ADAMTS2: variants seen among roughly 807,000 people sequenced by gnomAD.
The protein encoded by ADAMTS2 is ADAM metallopeptidase with thrombospondin type 1 motif 2.
Under a neutral mutation model 123.0 loss-of-function variants are expected in ADAMTS2, and 50 were observed. That is an observed-to-expected ratio of 0.41 (90% CI 0.32 to 0.51). The LOEUF is 0.51. Ranked by LOEUF, ADAMTS2 falls within the 20% of genes least tolerant of loss-of-function variation. The pLI, the probability that ADAMTS2 is intolerant of heterozygous loss-of-function variation, is 0.35. For missense variants in ADAMTS2, 1,494 were observed against 1,705.2 expected (o/e 0.88, Z 2.18); for synonymous variants, 678 against 695.4 (o/e 0.98, Z 0.39).
rs535196543 is a variant in ADAMTS2 at position 179,121,684 on chromosome 5, G to A, written c.3155C>T (p.Ser1052Leu). ...ACTTGACGAGATCTTCCGGATGGGC[G>A]AGTCGGGGTCCGGGCGGGACAGCCA... ...VQWLSRPDPD[S>L]PIRKISSKGH... is the part of the protein sequence containing the mutation. Residue 1052 changes from serine to leucine, a missense_variant, in exon 21 of 22, where the codon TCG (serine) becomes TTG (leucine). Around this residue, in one of 6 missense-constraint regions of ADAMTS2, gnomAD observed 953 missense variants for 1,124.7 expected, o/e 0.85. Coordinates refer to ENST00000251582, the MANE Select transcript of ADAMTS2 (RefSeq NM_014244.5). The A allele has an allele frequency of 1.9e-6, 3 of 1,598,702 alleles. No individual in the cohort carries two copies. The highest frequency in any genetic ancestry group is 2.3e-5 in the East Asian group (1 of 43,692).
Position 179,272,087 on chromosome 5 carries a change from AC to A in ADAMTS2, c.688+823del, listed in dbSNP as rs1366091352. Among the ~76,000 whole-genome samples the A allele has an allele frequency of 1.3e-5, 2 of 152,200 alleles. No homozygotes were observed. The highest frequency in any genetic ancestry group is 4.8e-5 in the African/African-American group (2 of 41,456). On this transcript the variant is annotated intron_variant, in intron 3 of 21. Transcript: ENST00000251582. The surrounding 1 kb of genome is among the most constrained non-coding windows in gnomAD (Gnocchi z 5.8). ...GCACAGGCCAGGAGTCCCTGACCAC[AC>A]GGGGGACCCTGAGAACTATGGGCCT...
chr5:179,213,982 G>A (rs757259815), intron 3 of ADAMTS2, among the ~76,000 whole-genome samples: 24 of 152,298 alleles, frequency 1.6e-4, no homozygotes, highest in Admixed American at 2.6e-4. Context: ...AAAACCTAAC[G>A]TTCAAACCCA....
intron 4 of ADAMTS2, among the ~76,000 whole-genome samples, chr5:179,204,016 A>T (rs1342502464): frequency 2.6e-5 from 4 of 152,246 alleles, no homozygotes; most frequent in Non-Finnish European, 4.4e-5. Flanking sequence ...GTCCTCCCTG[A>T]AAAGGAAGGA....
intron 19 of ADAMTS2, among the ~76,000 whole-genome samples, chr5:179,123,266 A>G (rs1421135122): frequency 6.6e-6 from 1 of 152,226 alleles, no homozygotes; most frequent in Non-Finnish European, 1.5e-5. Context: ...CACACTGACC[A>G]GGGAGGTGCC....
At chr5:179,226,848 G>A (rs2411810) in intron 3 of ADAMTS2, among the ~76,000 whole-genome samples, 37,787 of 152,122 alleles carry the variant, frequency 0.25, 5,191 homozygotes, top group African/African-American at 0.36. Flanking sequence ...TATAAGAAAC[G>A]GTGAAAAGAA....
rs1763785325 is a variant in ADAMTS2, at chr5:179,170,139, G to A, written c.975+10933C>T. Among the ~76,000 whole-genome samples, 1 of 152,082 alleles carries A rather than the reference G, an allele frequency of 6.6e-6. No homozygotes were observed. Among genetic ancestry groups the A allele is most frequent in the Non-Finnish European group, 1.5e-5 (1 of 68,012 alleles). ...TTTTTTTTAAGAAATGGAGAAAAAT[G>A]TTGTTTTAGGAAAAACTTGAGATAA... On this transcript the variant is annotated intron_variant, in intron 5 of 21. Coordinates refer to ENST00000251582, the MANE Select transcript of ADAMTS2 (RefSeq NM_014244.5). This position sits in a 1 kb window ranked among gnomAD's most constrained non-coding sequence, Gnocchi z 4.3.
chr5:179,193,488 C>T (rs1372358955), intron 4 of ADAMTS2, among the ~76,000 whole-genome samples: 2 of 152,164 alleles, frequency 1.3e-5, no homozygotes, highest in African/African-American at 2.4e-5. Context: ...CCTGCTGCAA[C>T]TAGAAACTGT....
chr5:179,316,925 C>T (rs1485248482), intron 2 of ADAMTS2, among the ~76,000 whole-genome samples: 1 of 151,794 alleles, frequency 6.6e-6, no homozygotes, highest in Admixed American at 6.6e-5. Context: ...CGGGAGAGAG[C>T]AAGACCCTGT....
intron 17 of ADAMTS2, among the ~76,000 whole-genome samples, 157 bp from the exon 18 acceptor site, chr5:179,126,287 G>C (rs958174273): frequency 2.0e-5 from 3 of 152,222 alleles, no homozygotes; most frequent in African/African-American, 7.2e-5. Flanking sequence ...CGGCTGGCTG[G>C]GGGGAGGCCT....
At chr5:179,274,912 C>A (rs1766653875) in intron 2 of ADAMTS2, among the ~76,000 whole-genome samples, 1 of 152,248 alleles carries the variant, frequency 6.6e-6, no homozygotes, top group Non-Finnish European at 1.5e-5. Context: ...GACATCTACC[C>A]AAACCCACCC....
At chr5:179,147,592 A>G (rs1176127301) in intron 10 of ADAMTS2, among the ~76,000 whole-genome samples, 2 of 152,342 alleles carry the variant, frequency 1.3e-5, no homozygotes, top group East Asian at 3.9e-4. Context: ...TGGCCAGCAC[A>G]CAGCCTGTAT....
chr5:179,312,014 C>T lies in ADAMTS2; in HGVS notation c.534+31753G>A, dbSNP rs1430159333. On this transcript the variant is annotated intron_variant, in intron 2 of 21. Transcript: ENST00000251582. The surrounding 1 kb of genome is among the most constrained non-coding windows in gnomAD (Gnocchi z 4.2). ...GAGAAGGGGCATGGGAACCCTGTGCCGCTAAGGGCATACTCTAGACCCTCT... is the reference window on the plus strand; with the variant it reads ...GAGAAGGGGCATGGGAACCCTGTGCTGCTAAGGGCATACTCTAGACCCTCT... 6.6e-6 allele frequency among the ~76,000 whole-genome samples: 1 copy of T among 152,178 alleles called. No individual in the cohort carries two copies. Among genetic ancestry groups the T allele is most frequent in the Non-Finnish European group, 1.5e-5 (1 of 68,038 alleles).
At position 179,320,201 on chromosome 5, in the gene ADAMTS2, T is replaced by G. The variant is rs985180831; in HGVS notation, c.534+23566A>C. On this transcript the variant is annotated intron_variant, in intron 2 of 21. Transcript: ENST00000251582. ...TGCCTCGTGTCCTTCTCTCTCCTGCTGTGCTCCTGGGCAGCAGCTCCCTCC... is the reference window on the plus strand; with the variant it reads ...TGCCTCGTGTCCTTCTCTCTCCTGCGGTGCTCCTGGGCAGCAGCTCCCTCC... Among the ~76,000 whole-genome samples, 115 of 152,240 alleles carry G rather than the reference T, an allele frequency of 7.6e-4. 1 individual carries two copies. The highest frequency in any genetic ancestry group is 2.9e-5 in the Non-Finnish European group (2 of 68,038).
rs1755987029 is a variant in ADAMTS2 at position 179,285,218 on chromosome 5, A to G, written c.535-12154T>C. ...TTCACTTTTTATTAATATTTTCTGT[A>G]TTTTTTTTGTTTTACATTTTTACAA... On this transcript the variant is annotated intron_variant, in intron 2 of 21. Transcript: ENST00000251582. This position sits in a 1 kb window ranked among gnomAD's most constrained non-coding sequence, Gnocchi z 4.9. Among the ~76,000 whole-genome samples the G allele has an allele frequency of 6.6e-6, 1 of 151,874 alleles. No individual in the cohort carries two copies. Among genetic ancestry groups the G allele is most frequent in the Non-Finnish European group, 1.5e-5 (1 of 67,974 alleles).
At position 179,344,118 on chromosome 5, in the gene ADAMTS2, G is replaced by C. The variant is rs375775300; in HGVS notation, c.183C>G (p.Pro61=). The C allele has an allele frequency of 2.7e-5, 44 of 1,607,662 alleles. No individual in the cohort carries two copies. Among genetic ancestry groups the C allele is most frequent in the East Asian group, 4.5e-5 (2 of 44,686 alleles). ...GHGAERILAV[P]VRTDAQGRLV... ...AGCGGCCCTGGGCGTCAGTGCGCAC[G>C]GGCACCGCCAGGATGCGCTCCGCTC... is the stretch of plus-strand genomic sequence containing the variant. Residue 61 remains proline, a synonymous_variant, in exon 2 of 22, where the codon CCC becomes CCG. Coordinates refer to ENST00000251582, the MANE Select transcript of ADAMTS2 (RefSeq NM_014244.5).
At chr5:179,153,294 G>C (rs190242507) in intron 9 of ADAMTS2, among the ~76,000 whole-genome samples, 197 bp downstream of exon 9, 2 of 152,204 alleles carry the variant, frequency 1.3e-5, no homozygotes, top group South Asian at 2.1e-4. Context: ...CTAGGACCAC[G>C]TCTGGGCCTG....
At chr5:179,190,039 A>G (rs989404684) in intron 4 of ADAMTS2, among the ~76,000 whole-genome samples, 1 of 152,132 alleles carries the variant, frequency 6.6e-6, no homozygotes, top group African/African-American at 2.4e-5. Context: ...TAAGGCAGGA[A>G]CTATCTATTT....
chr5:179,168,614 T>C (rs1763758116), intron 5 of ADAMTS2, among the ~76,000 whole-genome samples: 1 of 152,146 alleles, frequency 6.6e-6, no homozygotes, highest in Non-Finnish European at 1.5e-5. Flanking sequence ...GTCATTCCTG[T>C]TGTGTGCTGG....
In ADAMTS2 at chr5:179,175,676, C is replaced by T. The variant is rs1224114505; in HGVS notation, c.975+5396G>A. ...TCACCAGACTCCTCTCCTAACTCTA[C>T]AAGTTGTACCGTGGATTCTTTTAGG... On this transcript the variant is annotated intron_variant, in intron 5 of 21. Transcript: ENST00000251582. The surrounding 1 kb of genome is among the most constrained non-coding windows in gnomAD (Gnocchi z 4.1). Among the ~76,000 whole-genome samples, 1 of 152,250 alleles carries T rather than the reference C, an allele frequency of 6.6e-6. No homozygotes were observed. Among genetic ancestry groups the T allele is most frequent in the East Asian group, 1.9e-4 (1 of 5,206 alleles).
Sources: allele counts gnomAD v4.1 joint callset (sites outside exome capture counted in the v4.1 genomes callset), GRCh38; gene constraint gnomAD v4.1.1; regional missense constraint gnomAD v4.1.1; non-coding constraint Gnocchi (gnomAD v3.1); transcripts MANE v1.5; gene names NCBI Gene and HGNC (gene_info 2026-07-23, HGNC 2026-07-21).